C1orf21: variants seen among roughly 807,000 people sequenced by gnomAD.
The protein encoded by C1orf21 is uncharacterized protein C1orf21.
In C1orf21, 3 loss-of-function variants were observed where a neutral mutation model predicts 18.7. The observed-to-expected ratio is 0.16, with a 90% confidence interval of 0.07 to 0.42. The LOEUF is 0.42. Among genes scored for constraint, C1orf21 ranks in the 10% least tolerant of loss-of-function variants. The probability of loss-of-function intolerance (pLI) is 0.99; values close to 1 mark genes in which losing one functional copy is unlikely to be tolerated. For synonymous variants in C1orf21, 41 were observed against 46.4 expected (o/e 0.88, Z 0.47); for missense variants, 104 against 143.6 (o/e 0.72, Z 1.41).
intron 3 of C1orf21, among the ~76,000 whole-genome samples, chr1:184,554,120 G>A (rs1248495072): frequency 6.6e-6 from 1 of 152,152 alleles, no homozygotes; most frequent in East Asian, 1.9e-4. Context: ...AGGTTGAGAA[G>A]GCTACTTTAT....
At chr1:184,502,126 G>A (rs893183288) in intron 2 of C1orf21, among the ~76,000 whole-genome samples, 12 of 151,382 alleles carry the variant, frequency 7.9e-5, no homozygotes. Flanking sequence ...TAGTTCATTT[G>A]TGCTGCTGTA....
chr1:184,617,180 A>G (rs1047892350), intron 5 of C1orf21, among the ~76,000 whole-genome samples: 1 of 152,190 alleles, frequency 6.6e-6, no homozygotes, highest in African/African-American at 2.4e-5. Context: ...CCATAACCCT[A>G]TGGGATGGAG....
Position 184,620,646 on chromosome 1 carries a change from A to G in C1orf21, c.*1090A>G, listed in dbSNP as rs898093234. The G allele has an allele frequency of 6.5e-6, 1 of 152,764 alleles. No individual in the cohort carries two copies. The highest frequency in any genetic ancestry group is 2.1e-4 in the South Asian group (1 of 4,824). 9.5% of individuals were successfully genotyped at this position (152,764 alleles called of 1,614,324 possible). A position where few individuals can be genotyped will look rare whatever the true frequency, so the allele number is the denominator to read the frequency against. ...TTCTCTTACTTCCAGCACACTAGAC[A>G]TAGCAAAAGTGTTTGCCTACTCAAA... On this transcript the variant is annotated 3_prime_UTR_variant, in exon 6 of 6. Transcript: ENST00000235307.
intron 5 of C1orf21, among the ~76,000 whole-genome samples, chr1:184,618,038 T>C (rs1219132171): frequency 6.6e-6 from 1 of 150,904 alleles, no homozygotes; most frequent in Non-Finnish European, 1.5e-5. Context: ...GCCTCCCAAA[T>C]AGCTGGGACT....
intron 2 of C1orf21, among the ~76,000 whole-genome samples, chr1:184,496,380 C>T (rs900690451): frequency 2.8e-4 from 43 of 152,188 alleles, no homozygotes; most frequent in African/African-American, 1.0e-3. Context: ...GACAGTAAAC[C>T]TGCAATTCTT....
intron 1 of C1orf21, among the ~76,000 whole-genome samples, chr1:184,434,962 C>T (rs565046858): frequency 9.9e-5 from 15 of 152,188 alleles, no homozygotes; most frequent in African/African-American, 1.4e-4. Context: ...AGAAAGATCA[C>T]TCTCCCTGCT....
chr1:184,542,461 C>T (rs1296558695), intron 3 of C1orf21: 1 of 152,168 alleles, frequency 6.6e-6, no homozygotes, highest in African/African-American at 2.4e-5. Flanking sequence ...AGTATTCACT[C>T]AAGGGATTCA....
At chr1:184,398,693 C>A (rs1250772031) in intron 1 of C1orf21, among the ~76,000 whole-genome samples, 1 of 152,112 alleles carries the variant, frequency 6.6e-6, no homozygotes, top group Non-Finnish European at 1.5e-5. Context: ...AGGCTATAGA[C>A]CTGTACAATA....
intron 3 of C1orf21, chr1:184,566,587 C>A: frequency 5.4e-6 from 2 of 373,674 alleles, no homozygotes; most frequent in South Asian, 2.6e-5. Context: ...TTCTCCAAAC[C>A]AAGACTGCTT....
At chr1:184,394,501 A>G (rs1305402852) in intron 1 of C1orf21, among the ~76,000 whole-genome samples, 1 of 152,218 alleles carries the variant, frequency 6.6e-6, no homozygotes, top group African/African-American at 2.4e-5. Context: ...CATGACATGC[A>G]TGCATATCAT....
chr1:184,555,868 G>C (rs947208895), intron 3 of C1orf21, among the ~76,000 whole-genome samples: 1 of 152,146 alleles, frequency 6.6e-6, no homozygotes, highest in East Asian at 1.9e-4. Context: ...TTACCTCTGC[G>C]AGGATCCGCC....
At chr1:184,514,640 C>A (rs1658197305) in intron 3 of C1orf21, among the ~76,000 whole-genome samples, 1 of 152,154 alleles carries the variant, frequency 6.6e-6, no homozygotes, top group Non-Finnish European at 1.5e-5. Context: ...ATCTTGCTGT[C>A]CACCCTAGCA....
intron 3 of C1orf21, among the ~76,000 whole-genome samples, chr1:184,534,478 A>G (rs1658517098): frequency 1.3e-5 from 2 of 152,204 alleles, no homozygotes; most frequent in South Asian, 4.1e-4. Context: ...TGCACCATAG[A>G]TGATTTGCTT....
At position 184,448,658 on chromosome 1, in the gene C1orf21, C is replaced by T. The variant is rs190750624; in HGVS notation, c.-124-28728C>T. Among the ~76,000 whole-genome samples, 39 of 152,284 alleles carry T rather than the reference C, an allele frequency of 2.6e-4. 1 individual carries two copies. Among genetic ancestry groups the T allele is most frequent in the African/African-American group, 9.4e-4 (39 of 41,570 alleles). On this transcript the variant is annotated intron_variant, in intron 1 of 5. Transcript: ENST00000235307. ...TGGGTCTCCAGAGACTCTTTTCCTT[C>T]TCTAGGTGTGTAGGCACTACCTCAA...
At chr1:184,548,437 C>T (rs1389725233) in intron 3 of C1orf21, among the ~76,000 whole-genome samples, 6 of 123,656 alleles carry the variant, frequency 4.9e-5, no homozygotes, top group African/African-American at 1.5e-4. Context: ...TTTGTTGAGA[C>T]GGAGTCTCCC....
At chr1:184,421,441 C>G (rs1656546294) in intron 1 of C1orf21, among the ~76,000 whole-genome samples, 1 of 152,084 alleles carries the variant, frequency 6.6e-6, no homozygotes, top group African/African-American at 2.4e-5. Flanking sequence ...CAAAAGTTGG[C>G]CATGAGAAAA....
intron 1 of C1orf21, among the ~76,000 whole-genome samples, chr1:184,390,078 A>G (rs375998744): frequency 4.6e-5 from 7 of 152,336 alleles, no homozygotes; most frequent in Non-Finnish European, 1.0e-4. Flanking sequence ...GGGAGATTGT[A>G]GGATACTGCC....
intron 2 of C1orf21, among the ~76,000 whole-genome samples, chr1:184,495,827 A>G (rs1338223979): frequency 6.7e-6 from 1 of 150,246 alleles, no homozygotes; most frequent in Non-Finnish European, 1.5e-5. Context: ...ACTGAGGCAG[A>G]GAATTGCTTG....
At chr1:184,599,678 A>T (rs1659562210) in intron 5 of C1orf21, 1 of 152,354 alleles carries the variant, frequency 6.6e-6, no homozygotes, top group East Asian at 1.9e-4. Flanking sequence ...ATCCAGGAAC[A>T]GTTGCCAAGT....
Sources: allele counts gnomAD v4.1 joint callset (sites outside exome capture counted in the v4.1 genomes callset), GRCh38; gene constraint gnomAD v4.1.1; transcripts MANE v1.5; gene names NCBI Gene and HGNC (gene_info 2026-07-23, HGNC 2026-07-21).